MCC: variants seen among roughly 807,000 people sequenced by gnomAD.
MCC encodes colorectal mutant cancer protein.
MCC carries 90 observed loss-of-function variants against 116.2 expected under a neutral mutation model. The observed-to-expected ratio is 0.77, with a 90% confidence interval of 0.65 to 0.92. The LOEUF is 0.92. Among genes scored for constraint, MCC ranks in the 40% least tolerant of loss-of-function variants. MCC has a pLI of 0.00. For missense variants in MCC, 1,516 were observed against 1,312.2 expected, an observed-to-expected ratio of 1.16 and a Z score of -2.40; for synonymous variants, 578 against 510.5, an observed-to-expected ratio of 1.13 and a Z score of -1.78.
intron 1 of MCC, among the ~76,000 whole-genome samples, chr5:113,428,124 C>T (rs1369528005): frequency 1.3e-5 from 2 of 152,156 alleles, no homozygotes; most frequent in Non-Finnish European, 2.9e-5. Context: ...AATTCTACAA[C>T]TATTAACCAG....
chr5:113,267,534 C>T (rs1765466248), intron 3 of MCC, among the ~76,000 whole-genome samples: 1 of 152,208 alleles, frequency 6.6e-6, no homozygotes, highest in African/African-American at 2.4e-5. Context: ...TGAGCTTATT[C>T]TGTCAGGGGC....
At chr5:113,259,939 CAA>C (rs1484733940) in intron 3 of MCC, among the ~76,000 whole-genome samples, 4 of 152,046 alleles carry the variant, frequency 2.6e-5, no homozygotes, top group African/African-American at 7.2e-5. Flanking sequence ...TAAAAAAAGT[CAA>C]GTCAACCAAA....
At chr5:113,273,147 G>A (rs1765678778) in intron 3 of MCC, among the ~76,000 whole-genome samples, 1 of 152,180 alleles carries the variant, frequency 6.6e-6, no homozygotes, top group Non-Finnish European at 1.5e-5. Flanking sequence ...ACAGTACTGA[G>A]GGGCTGAAGG....
At chr5:113,393,561 T>A (rs1769452857) in intron 1 of MCC, among the ~76,000 whole-genome samples, 1 of 152,196 alleles carries the variant, frequency 6.6e-6, no homozygotes, top group African/African-American at 2.4e-5. Context: ...GTTAAAAGGT[T>A]CAATCTCTCA....
In MCC at chr5:113,344,602, A is replaced by G. The variant is rs140208425; in HGVS notation, c.416-3872T>C. On this transcript the variant is annotated intron_variant, in intron 2 of 18. Coordinates refer to ENST00000408903, the MANE Select transcript of MCC (RefSeq NM_001085377.2). ...TTGCATCTTGGAAACCAGCTCAGCCATAACAGGACAGGGCACCAGGCAGAG... is the reference window on the plus strand; with the variant it reads ...TTGCATCTTGGAAACCAGCTCAGCCGTAACAGGACAGGGCACCAGGCAGAG... Among the ~76,000 whole-genome samples the G allele has an allele frequency of 6.8e-4, 104 of 152,048 alleles. 1 individual carries two copies. Among genetic ancestry groups the G allele is most frequent in the Non-Finnish European group, 1.3e-3 (88 of 67,988 alleles).
At chr5:113,042,838 CATATT>C (rs770018943) in intron 17 of MCC, among the ~76,000 whole-genome samples, 35 of 151,420 alleles carry the variant, frequency 2.3e-4, no homozygotes, top group Non-Finnish European at 4.3e-4. Context: ...ATAATGTAGA[CATATT>C]ATGTTAAATA....
At chr5:113,284,624 C>T (rs552180751) in intron 3 of MCC, among the ~76,000 whole-genome samples, 28 of 152,142 alleles carry the variant, frequency 1.8e-4, no homozygotes, top group Admixed American at 4.6e-4. Flanking sequence ...TTCTTCAGGC[C>T]TCAGTTTCTT....
intron 3 of MCC, among the ~76,000 whole-genome samples, chr5:113,249,193 G>T (rs1350551893): frequency 6.6e-6 from 1 of 151,680 alleles, no homozygotes; most frequent in Non-Finnish European, 1.5e-5. Flanking sequence ...ACTGTCTGTG[G>T]ATCCAGAAAC....
At chr5:113,223,032 G>A (rs1042274988) in intron 3 of MCC, among the ~76,000 whole-genome samples, 1 of 152,224 alleles carries the variant, frequency 6.6e-6, no homozygotes, top group Admixed American at 6.5e-5. Flanking sequence ...AGACTACTGT[G>A]AGGAAGTCAA....
intron 1 of MCC, among the ~76,000 whole-genome samples, chr5:113,400,417 A>G (rs967330541): frequency 6.6e-5 from 10 of 152,018 alleles, no homozygotes; most frequent in Admixed American, 4.6e-4. Context: ...GTCACCGCGC[A>G]TGGCCTGTTT....
intron 3 of MCC, among the ~76,000 whole-genome samples, chr5:113,267,532 T>G (rs1561495159): frequency 6.6e-6 from 1 of 152,194 alleles, no homozygotes; most frequent in Non-Finnish European, 1.5e-5. Context: ...TCTGAGCTTA[T>G]TCTGTCAGGG....
At chr5:113,242,124 C>G (rs1284604391) in intron 3 of MCC, among the ~76,000 whole-genome samples, 1 of 152,176 alleles carries the variant, frequency 6.6e-6, no homozygotes, top group African/African-American at 2.4e-5. Context: ...TGGCAGTAGA[C>G]CAATACTGCA....
chr5:113,287,368 G>A (rs901256653), intron 3 of MCC, among the ~76,000 whole-genome samples: 2 of 151,986 alleles, frequency 1.3e-5, no homozygotes, highest in Non-Finnish European at 2.9e-5. Flanking sequence ...TCGCTCTGTC[G>A]CCCAGGCTGG....
intron 2 of MCC, among the ~76,000 whole-genome samples, chr5:113,383,126 A>T (rs577313118): frequency 6.7e-6 from 1 of 149,818 alleles, no homozygotes; most frequent in Non-Finnish European, 1.5e-5. Context: ...AATATCTACT[A>T]CACATAAACA....
At chr5:113,073,153 T>C (rs1413576995) in intron 11 of MCC, among the ~76,000 whole-genome samples, 2 of 152,200 alleles carry the variant, frequency 1.3e-5, no homozygotes, top group Non-Finnish European at 2.9e-5. Context: ...GACATTGCTC[T>C]TCTTCCAGTG....
chr5:113,386,437 C>G (rs1246806328), intron 1 of MCC, among the ~76,000 whole-genome samples: 1 of 152,060 alleles, frequency 6.6e-6, no homozygotes, highest in Non-Finnish European at 1.5e-5. Flanking sequence ...CCTCCTTATC[C>G]CTAATTCTGT....
intron 2 of MCC, among the ~76,000 whole-genome samples, chr5:113,365,642 T>C (rs545387577): frequency 3.2e-4 from 49 of 152,346 alleles, no homozygotes; most frequent in African/African-American, 1.1e-3. Context: ...CATTCTTGCA[T>C]TGCTATAAAG....
chr5:113,285,474 C>CTGT (rs1270775370), intron 3 of MCC, among the ~76,000 whole-genome samples: 1 of 151,932 alleles, frequency 6.6e-6, no homozygotes, highest in African/African-American at 2.4e-5. Flanking sequence ...CTGGCCAGAA[C>CTGT]TGTTTTCTTG....
intron 1 of MCC, among the ~76,000 whole-genome samples, chr5:113,483,264 C>A (rs1319015152): frequency 6.6e-6 from 1 of 152,176 alleles, no homozygotes; most frequent in Admixed American, 6.5e-5. Context: ...CTTTAAGTTT[C>A]CTCATGAATT....
Sources: allele counts gnomAD v4.1 joint callset (sites outside exome capture counted in the v4.1 genomes callset), GRCh38; gene constraint gnomAD v4.1.1; transcripts MANE v1.5; gene names NCBI Gene and HGNC (gene_info 2026-07-23, HGNC 2026-07-21).